The following EPM2A variants were observed in gnomAD, a reference collection of about 807,000 sequenced individuals.
EPM2A encodes laforin.
In EPM2A, 21 loss-of-function variants were observed where a neutral mutation model predicts 26.5. That is an observed-to-expected ratio of 0.79 (90% CI 0.56 to 1.14). The LOEUF is 1.14. EPM2A is among the 50% of genes most tolerant of loss of function. EPM2A has a pLI of 0.00. For missense variants in EPM2A, 458 were observed against 440.8 expected, an observed-to-expected ratio of 1.04 and a Z score of -0.35; for synonymous variants, 217 against 177.6, an observed-to-expected ratio of 1.22 and a Z score of -1.76.
chr6:145,697,903 C>T (rs567684667), intron 1 of EPM2A, among the ~76,000 whole-genome samples: 28 of 152,106 alleles, frequency 1.8e-4, no homozygotes, highest in Non-Finnish European at 3.1e-4. Context: ...GGTCCTGAGG[C>T]GACATACATC....
intron 2 of EPM2A, among the ~76,000 whole-genome samples, chr6:145,652,508 T>C (rs1427335312): frequency 6.6e-6 from 1 of 152,098 alleles, no homozygotes; most frequent in East Asian, 1.9e-4. Flanking sequence ...TAAAATGTAA[T>C]ATACATTAAA....
intron 4 of EPM2A, among the ~76,000 whole-genome samples, chr6:145,439,333 G>A (rs1779031714): frequency 6.6e-6 from 1 of 152,164 alleles, no homozygotes; most frequent in African/African-American, 2.4e-5. Flanking sequence ...ACCCAGTAGT[G>A]AGATTGCTGG....
chr6:145,732,201 T>TTGTGTGTG lies in EPM2A; in HGVS notation c.301+2989_301+2996dup, dbSNP rs66889564. On this transcript the variant is annotated intron_variant, in intron 1 of 3. Transcript: ENST00000367519. ...AAAGTCTCAGGTTTACAGCTAAGAC[T>TTGTGTGTG]TGTGTGTGTGTGTGTGTGTGTGTGT... is the stretch of plus-strand genomic sequence containing the variant. Among the ~76,000 whole-genome samples, 845 of 138,500 alleles carry TTGTGTGTG rather than the reference T, an allele frequency of 6.1e-3. 8 individuals carry two copies. The highest frequency in any genetic ancestry group is 0.022 in the African/African-American group (785 of 35,416). The allele number at this position is 138,500 out of a possible 152,430, so 90.9% of individuals were successfully genotyped here. A position where few individuals can be genotyped will look rare whatever the true frequency, so the allele number is the denominator to read the frequency against.
intron 1 of EPM2A, among the ~76,000 whole-genome samples, chr6:145,695,475 A>G (rs1262731393): frequency 4.0e-5 from 6 of 151,610 alleles, no homozygotes; most frequent in African/African-American, 1.5e-4. Context: ...AATGGATTGA[A>G]TTCTCCAATC....
chr6:145,428,116 T>A (rs1334208907), intron 4 of EPM2A, among the ~76,000 whole-genome samples: 1 of 144,962 alleles, frequency 6.9e-6, no homozygotes, highest in Non-Finnish European at 1.5e-5. Flanking sequence ...TGCTGTTCAA[T>A]TTTATTTACT....
intron 2 of EPM2A, among the ~76,000 whole-genome samples, chr6:145,557,499 T>C (rs1285692901): frequency 1.3e-5 from 2 of 152,098 alleles, no homozygotes; most frequent in African/African-American, 2.4e-5. Context: ...TAAAGGGTCA[T>C]GTTACCTTCT....
intron 1 of EPM2A, among the ~76,000 whole-genome samples, chr6:145,703,649 C>A (rs1200281935): frequency 6.6e-6 from 1 of 152,188 alleles, no homozygotes; most frequent in African/African-American, 2.4e-5. Context: ...CATTACGCTG[C>A]TGAATGACTC....
chr6:145,720,997 A>G (rs1775921559), intron 1 of EPM2A: 1 of 152,092 alleles, frequency 6.6e-6, no homozygotes, highest in Non-Finnish European at 1.5e-5. Context: ...CCCCATTTCT[A>G]CTAAAAAATA....
At chr6:145,502,928 T>A (rs1182728045) in intron 2 of EPM2A, among the ~76,000 whole-genome samples, 1 of 152,222 alleles carries the variant, frequency 6.6e-6, no homozygotes, top group African/African-American at 2.4e-5. Context: ...ATATTAAGAT[T>A]ATTTTGAATA....
chr6:145,721,762 T>C lies in EPM2A; in HGVS notation c.301+13436A>G, dbSNP rs1321479047. 1.3e-5 allele frequency: 2 copies of C among 152,234 alleles called. 1 individual carries two copies. Among genetic ancestry groups the C allele is most frequent in the Non-Finnish European group, 2.9e-5 (2 of 68,040 alleles). The allele number at this position is 152,234 out of a possible 1,614,324, so 9.4% of individuals were successfully genotyped here. ...GCATTATTTTTACACAAATAAAAAA[T>C]CTCTATCAGATGCCTATTATTTCTC... On this transcript the variant is annotated intron_variant, in intron 1 of 3. Coordinates refer to ENST00000367519, the MANE Select transcript of EPM2A (RefSeq NM_005670.4).
At chr6:145,465,263 G>A (rs1779374160) in intron 4 of EPM2A, among the ~76,000 whole-genome samples, 2 of 151,316 alleles carry the variant, frequency 1.3e-5, no homozygotes, top group African/African-American at 2.4e-5. Context: ...TGATCGCATC[G>A]GCTCCTGAGG....
intron 2 of EPM2A, among the ~76,000 whole-genome samples, chr6:145,672,465 C>T (rs1583021036): frequency 6.6e-6 from 1 of 152,350 alleles, no homozygotes; most frequent in African/African-American, 2.4e-5. Context: ...GAACTAACTA[C>T]AATGATACTA....
chr6:145,656,238 G>A (rs1048765012), intron 2 of EPM2A, among the ~76,000 whole-genome samples: 4 of 152,176 alleles, frequency 2.6e-5, no homozygotes, highest in Admixed American at 2.6e-4. Flanking sequence ...GCATCTAAGA[G>A]AGAACACTTG....
At chr6:145,525,636 C>T (rs1444564678) in intron 2 of EPM2A, among the ~76,000 whole-genome samples, 1 of 152,038 alleles carries the variant, frequency 6.6e-6, no homozygotes, top group Non-Finnish European at 1.5e-5. Flanking sequence ...GATTTGTGTA[C>T]ATTGATTTTG....
intron 2 of EPM2A, among the ~76,000 whole-genome samples, chr6:145,651,495 G>A (rs556071600): frequency 2.6e-5 from 4 of 152,312 alleles, no homozygotes; most frequent in East Asian, 1.9e-4. Context: ...TCAATGTAAA[G>A]GAAGCTGGTC....
intron 2 of EPM2A, among the ~76,000 whole-genome samples, chr6:145,684,018 A>G (rs891584759): frequency 5.9e-5 from 9 of 152,198 alleles, no homozygotes; most frequent in African/African-American, 1.9e-4. Flanking sequence ...AAGAGAAGAG[A>G]ACTTAAAAAT....
chr6:145,568,097 T>C (rs1780907330), intron 2 of EPM2A, among the ~76,000 whole-genome samples: 1 of 152,184 alleles, frequency 6.6e-6, no homozygotes, highest in Non-Finnish European at 1.5e-5. Flanking sequence ...TAAAATCATG[T>C]TATCTAAATG....
intron 4 of EPM2A, among the ~76,000 whole-genome samples, chr6:145,428,015 A>T (rs367955214): frequency 7.3e-6 from 1 of 136,324 alleles, no homozygotes; most frequent in African/African-American, 2.7e-5. Flanking sequence ...TATTTGTGAC[A>T]TTTTATTTTA....
chr6:145,606,882 G>C (rs1042886613), intron 2 of EPM2A, among the ~76,000 whole-genome samples: 12 of 152,152 alleles, frequency 7.9e-5, no homozygotes, highest in Non-Finnish European at 1.6e-4. Flanking sequence ...TGCTTGATTT[G>C]CAAACATAAG....
Sources: gnomAD v4.1 joint callset for allele counts (sites outside exome capture counted in the v4.1 genomes callset) on GRCh38, gnomAD v4.1.1 for gene constraint, MANE v1.5 for transcripts, NCBI Gene and HGNC (gene_info 2026-07-23, HGNC 2026-07-21) for gene names.